The following ARHGAP27 variants were observed in gnomAD, a reference collection of about 807,000 sequenced individuals.
ARHGAP27 encodes the protein Rho GTPase activating protein 27, also known as rho GTPase-activating protein 27.
In ARHGAP27, 53 loss-of-function variants were observed where a neutral mutation model predicts 102.0. The ratio of observed to expected loss-of-function variants is 0.52; its 90% confidence interval spans 0.42 to 0.65. The LOEUF (loss-of-function observed/expected upper bound fraction) is 0.65, where lower values mean the gene tolerates loss of function less well. Ranked by LOEUF, ARHGAP27 falls within the 30% of genes least tolerant of loss-of-function variation. ARHGAP27 has a pLI of 0.00. For synonymous variants in ARHGAP27, 525 were observed against 542.8 expected, an observed-to-expected ratio of 0.97 and a Z score of 0.46; for missense variants, 1,117 against 1,256.2, an observed-to-expected ratio of 0.89 and a Z score of 1.68.
At chr17:45,429,354 A>G in intron 4 of ARHGAP27, 1 of 1,209,764 alleles carries the variant, frequency 8.3e-7, no homozygotes, top group Admixed American at 3.8e-5. Context: ...GCCTCACATC[A>G]GTTCAAGCGC....
In ARHGAP27 at chr17:45,425,151, G is replaced by A. The variant is rs528951756; in HGVS notation, c.657+4472C>T. On this transcript the variant is annotated intron_variant, in intron 4 of 19. Coordinates refer to ENST00000685559, the MANE Select transcript of ARHGAP27 (RefSeq NM_001282290.2). ...CTCCTGGGACAGCCTGGGGCTGCAG[G>A]TGAGTCACCGGGAGGGAACTGGGTC... 1.8e-4 allele frequency among the ~76,000 whole-genome samples: 28 copies of A among 152,106 alleles called. 2 individuals are homozygous for A. In the South Asian group the frequency reaches 5.6e-3, roughly 30 times the overall value.
intron 10 of ARHGAP27, 28 bp downstream of exon 10, chr17:45,404,001 C>T (rs1241347320): frequency 1.2e-6 from 2 of 1,612,908 alleles, no homozygotes; most frequent in Non-Finnish European, 1.7e-6. Flanking sequence ...CCCACCCTGC[C>T]CCGGCCTGAG....
intron 4 of ARHGAP27, among the ~76,000 whole-genome samples, chr17:45,421,462 G>A (rs910071618): frequency 6.6e-6 from 1 of 151,672 alleles, no homozygotes; most frequent in Non-Finnish European, 1.5e-5. Context: ...AGCCTGGGTG[G>A]CACAGTAGAC....
In ARHGAP27 at chr17:45,424,916, C is replaced by T. The variant is rs562316633; in HGVS notation, c.657+4707G>A. ...CTTGTCCTGGGGCCCATCGCAGGCC[C>T]CTGGGCGCTGAAGGGAGCCAAGGAC... On this transcript the variant is annotated intron_variant, in intron 4 of 19. Coordinates refer to ENST00000685559, the MANE Select transcript of ARHGAP27 (RefSeq NM_001282290.2). 2.0e-5 allele frequency among the ~76,000 whole-genome samples: 3 copies of T among 152,116 alleles called. No individual in the cohort carries two copies. The East Asian group carries it at 5.8e-4, about 29-fold the overall frequency.
At position 45,427,629 on chromosome 17, in the gene ARHGAP27, C is replaced by T. The variant is rs2049747801; in HGVS notation, c.657+1994G>A. 6.6e-6 allele frequency among the ~76,000 whole-genome samples: 1 copy of T among 152,228 alleles called. No individual in the cohort carries two copies. Among genetic ancestry groups the T allele is most frequent in the African/African-American group, 2.4e-5 (1 of 41,450 alleles). Reference sequence around the variant, plus strand: ...GGGGGTGGAGCACCAGGGAGACCCACAGCTGCCTCTTGAATAAAGCTCTGT... The same window carrying T: ...GGGGGTGGAGCACCAGGGAGACCCATAGCTGCCTCTTGAATAAAGCTCTGT... On this transcript the variant is annotated intron_variant, in intron 4 of 19. Transcript: ENST00000685559. The surrounding 1 kb of genome is among the most constrained non-coding windows in gnomAD (Gnocchi z 4.5).
rs1209799868 is a variant in ARHGAP27, at chr17:45,396,535, G to A, written c.2125C>T (p.Arg709Trp). The A allele has an allele frequency of 5.0e-6, 8 of 1,588,256 alleles. No homozygotes were observed. The highest frequency in any genetic ancestry group is 1.1e-5 in the South Asian group (1 of 89,430). ...LAALCERERS[R>W]VPRFVQQCIR... is the part of the protein sequence containing the mutation. ...CACTGCTGCACGAAGCGTGGCACCC[G>A]GCTCCTCTCGCGCTCACACAGCGCG... is the stretch of plus-strand genomic sequence containing the variant. Residue 709 changes from arginine (R) to tryptophan (W), a missense_variant, in exon 16 of 20, where the codon CGG (arginine) becomes TGG (tryptophan). Arg to Trp is a moderately radical substitution (Grantham distance 101, BLOSUM62 -3). Transcript: ENST00000685559.
chr17:45,405,867 G>A lies in ARHGAP27; in HGVS notation c.874C>T (p.Pro292Ser). 6.5e-6 allele frequency: 10 copies of A among 1,536,172 alleles called. No homozygotes were observed. Among genetic ancestry groups the A allele is most frequent in the Non-Finnish European group, 8.7e-6 (10 of 1,146,866 alleles). ...CTCACGTGGCTGTCCACCGAGGCAG[G>A]GGAGGTGGCTGGGCTGGCGGCACCC... ...AEGAASPATSPASVDSHVSLE... is the reference protein window; with the variant it reads ...AEGAASPATSSASVDSHVSLE... The change falls in exon 5 of 20, where the codon CCT (proline) becomes TCT (serine). Residue 292 changes from proline (P) to serine (S), a missense_variant. This residue lies in a region of ARHGAP27 where 610 missense variants were observed against 716.4 expected (regional missense o/e 0.85). Transcript: ENST00000685559.
chr17:45,412,731 C>T lies in ARHGAP27; in HGVS notation c.658-6648G>A, dbSNP rs146637093. On this transcript the variant is annotated intron_variant, in intron 4 of 19. Transcript: ENST00000685559. ...AAACTGGGTCTCCCTTTAACCATCC[C>T]GGCCTGGCCCAGAGCTACATGTCCA... 2.5e-3 allele frequency among the ~76,000 whole-genome samples: 384 copies of T among 152,264 alleles called. 1 individual carries two copies. The highest frequency in any genetic ancestry group is 8.5e-3 in the African/African-American group (355 of 41,556).
chr17:45,404,188 C>T (rs1164096127), intron 9 of ARHGAP27, 81 bp downstream of exon 9: 1 of 1,609,654 alleles, frequency 6.2e-7, no homozygotes, highest in Non-Finnish European at 8.5e-7. Context: ...AGCTGCCACT[C>T]TCTATGGTCT....
rs776313053 is a variant in ARHGAP27 at position 45,394,531 on chromosome 17, G to C, written c.*925C>G. The C allele has an allele frequency of 2.6e-5, 4 of 152,352 alleles. No individual in the cohort carries two copies. Among genetic ancestry groups the C allele is most frequent in the Non-Finnish European group, 4.4e-5 (3 of 68,116 alleles). 9.4% of individuals were successfully genotyped at this position (152,352 alleles called of 1,614,324 possible). ...CTCTTTGCCTTCAGGGGCCTCCCCA[G>C]GTCCAGACAGAACACACCCAGCTTA... On this transcript the variant is annotated 3_prime_UTR_variant, in exon 20 of 20. Transcript: ENST00000685559.
chr17:45,405,583 C>T, intron 5 of ARHGAP27, 93 bp downstream of exon 5: 2 of 1,464,788 alleles, frequency 1.4e-6, no homozygotes, highest in South Asian at 1.4e-5. Flanking sequence ...CCATCACCAC[C>T]CCCTCACCCG....
At chr17:45,413,967 G>T (rs372566149) in intron 4 of ARHGAP27, among the ~76,000 whole-genome samples, 51 of 152,290 alleles carry the variant, frequency 3.3e-4, no homozygotes, top group African/African-American at 1.2e-3. Flanking sequence ...TTAGCTGGGC[G>T]TGGTGGCGTG....
rs540686038 is a variant in ARHGAP27 at position 45,395,916 on chromosome 17, G to T, written c.2386+67C>A. ...GGTAGGGGGTATCGGCTGGGCGAGGGGAGCCTGCTAAAGGGGTGCCCCGCC... is the reference window on the plus strand; with the variant it reads ...GGTAGGGGGTATCGGCTGGGCGAGGTGAGCCTGCTAAAGGGGTGCCCCGCC... On this transcript the variant is annotated intron_variant, in intron 18 of 19. Coordinates refer to ENST00000685559, the MANE Select transcript of ARHGAP27 (RefSeq NM_001282290.2). 125 of 1,566,534 alleles carry T rather than the reference G, an allele frequency of 8.0e-5. No homozygotes were observed. The African/African-American group carries it at 1.4e-3, about 17-fold the overall frequency.
intron 13 of ARHGAP27, 123 bp from the exon 14 acceptor site, chr17:45,397,147 C>G: frequency 8.8e-6 from 13 of 1,478,098 alleles, no homozygotes; most frequent in African/African-American, 1.4e-5. Context: ...GCGAAGAGTC[C>G]TCTCTTCCCT....
intron 4 of ARHGAP27, among the ~76,000 whole-genome samples, chr17:45,413,805 T>C (rs1285371781): frequency 3.3e-5 from 5 of 151,926 alleles, no homozygotes; most frequent in African/African-American, 7.3e-5. Flanking sequence ...CCAGGAGGGA[T>C]CAGAAATGGT....
At position 45,427,850 on chromosome 17, in the gene ARHGAP27, C is replaced by G. The variant is rs981022717; in HGVS notation, c.657+1773G>C. ...CTCCATATGCCACTGCAACTGGGAA[C>G]CTGCTGGGAGCTGGAGGAAGGATGG... is the stretch of plus-strand genomic sequence containing the variant. On this transcript the variant is annotated intron_variant, in intron 4 of 19. Coordinates refer to ENST00000685559, the MANE Select transcript of ARHGAP27 (RefSeq NM_001282290.2). The surrounding 1 kb of genome is among the most constrained non-coding windows in gnomAD (Gnocchi z 4.5). Among the ~76,000 whole-genome samples the G allele has an allele frequency of 1.3e-5, 2 of 152,166 alleles. No homozygotes were observed. The highest frequency in any genetic ancestry group is 2.9e-5 in the Non-Finnish European group (2 of 68,018).
In ARHGAP27 at chr17:45,396,710, G is replaced by C. The variant is rs1052385323; in HGVS notation, c.2032C>G (p.Arg678Gly). The C allele has an allele frequency of 6.2e-7, 1 of 1,613,834 alleles. No individual in the cohort carries two copies. Among genetic ancestry groups the C allele is most frequent in the Non-Finnish European group, 8.5e-7 (1 of 1,179,790 alleles). ...RHKLRKFLQR[R>G]PTLQSLREKG... ...TCCCGCAGCGACTGCAGTGTGGGCCGCCTCTGGAGGAACTTGCGGAGCTTG... is the reference window on the plus strand; with the variant it reads ...TCCCGCAGCGACTGCAGTGTGGGCCCCCTCTGGAGGAACTTGCGGAGCTTG... The change falls in exon 15 of 20, where the codon CGG (arginine) becomes GGG (glycine). Residue 678 changes from arginine to glycine, a missense_variant. Arg to Gly is a moderately radical substitution (Grantham distance 125). Around this residue, in one of 3 missense-constraint regions of ARHGAP27, gnomAD observed 493 missense variants for 505.5 expected, o/e 0.98. Coordinates refer to ENST00000685559, the MANE Select transcript of ARHGAP27 (RefSeq NM_001282290.2).
chr17:45,430,060 C>T lies in ARHGAP27; in HGVS notation c.220G>A (p.Ala74Thr). Residue 74 changes from alanine (A) to threonine (T), a missense_variant, in exon 4 of 20, where the codon GCC (alanine) becomes ACC (threonine). This residue lies in a region of ARHGAP27 where 610 missense variants were observed against 716.4 expected (regional missense o/e 0.85). Coordinates refer to ENST00000685559, the MANE Select transcript of ARHGAP27 (RefSeq NM_001282290.2). The surrounding 1 kb of genome is among the most constrained non-coding windows in gnomAD (Gnocchi z 4.4). ...VRELPALGNP[A>T]AAAPPGPHPS... ...TGGGGACCTGGCGGCGCGGCGGCGG[C>T]AGGGTTGCCCAGCGCGGGCAGCTCG... 1 of 1,295,388 alleles carries T rather than the reference C, an allele frequency of 7.7e-7. No individual in the cohort carries two copies. The highest frequency in any genetic ancestry group is 9.7e-7 in the Non-Finnish European group (1 of 1,025,810). The allele number at this position is 1,295,388 out of a possible 1,614,324, so 80.2% of individuals were successfully genotyped here. A position where few individuals can be genotyped will look rare whatever the true frequency, so the allele number is the denominator to read the frequency against.
At chr17:45,424,032 T>G (rs957934275) in intron 4 of ARHGAP27, among the ~76,000 whole-genome samples, 1 of 152,230 alleles carries the variant, frequency 6.6e-6, no homozygotes, top group Admixed American at 6.5e-5. Context: ...CAGGCCCTTC[T>G]GCTACCTCTG....
Sources: gnomAD v4.1 joint callset for allele counts (sites outside exome capture counted in the v4.1 genomes callset) on GRCh38, gnomAD v4.1.1 for gene constraint, gnomAD v4.1.1 regional missense constraint, Gnocchi (gnomAD v3.1) non-coding constraint, MANE v1.5 for transcripts, NCBI Gene and HGNC (gene_info 2026-07-23, HGNC 2026-07-21) for gene names.